Variants in G3BP1 observed in about 807,000 individuals in gnomAD.
G3BP1 encodes the protein ras GTPase-activating protein-binding protein 1.
G3BP1 carries 35 observed loss-of-function variants against 58.6 expected under a neutral mutation model. That is an observed-to-expected ratio of 0.60 (90% CI 0.46 to 0.79). The LOEUF (loss-of-function observed/expected upper bound fraction) is 0.79. Among genes scored for constraint, G3BP1 ranks in the 30% least tolerant of loss-of-function variants. The probability of loss-of-function intolerance (pLI) is 0.00; values close to 1 mark genes in which losing one functional copy is unlikely to be tolerated. For synonymous variants in G3BP1, 191 were observed against 195.4 expected, an observed-to-expected ratio of 0.98 and a Z score of 0.19; for missense variants, 523 against 580.8, an observed-to-expected ratio of 0.90 and a Z score of 1.02.
chr5:151,787,756 C>T (rs1169612947), intron 2 of G3BP1: 1 of 291,988 alleles, frequency 3.4e-6, no homozygotes, highest in South Asian at 2.8e-5. Context: ...TCCCTTACAC[C>T]TTGACCAGCT....
At chr5:151,787,913 GCA>G (rs1360580495) in intron 2 of G3BP1, 8 of 176,508 alleles carry the variant, frequency 4.5e-5, no homozygotes, top group Admixed American at 1.9e-4. Context: ...GTGTGTGTGT[GCA>G]TGTGTGTGTG....
chr5:151,808,952 G>T lies in G3BP1; in HGVS notation c.*4861G>T, dbSNP rs1762975175. On this transcript the variant is annotated 3_prime_UTR_variant, in exon 12 of 12. Coordinates refer to ENST00000356245, the MANE Select transcript of G3BP1 (RefSeq NM_005754.3). ...AGTGCTGTGGGAGGCTGAGGCCAGA[G>T]GATTGCTCGAGGCCAGGAATTTGAG... 1 of 152,340 alleles carries T rather than the reference G, an allele frequency of 6.6e-6. No homozygotes were observed. Among genetic ancestry groups the T allele is most frequent in the Non-Finnish European group, 1.5e-5 (1 of 68,152 alleles). The allele number at this position is 152,340 out of a possible 1,614,324, so 9.4% of individuals were successfully genotyped here. A position where few individuals can be genotyped will look rare whatever the true frequency, so the allele number is the denominator to read the frequency against.
chr5:151,797,387 G>A lies in G3BP1; in HGVS notation c.700G>A (p.Ala234Thr). ...GGATGCTCAGAAGAGTTCTTCTCCAGCACCTGCAGACATAGCTCAGACAGT... is the reference window on the plus strand; with the variant it reads ...GGATGCTCAGAAGAGTTCTTCTCCAACACCTGCAGACATAGCTCAGACAGT... ...PEDAQKSSSP[A>T]PADIAQTVQE... is the part of the protein sequence containing the mutation. Residue 234 changes from alanine (A) to threonine (T), a missense_variant, in exon 7 of 12, where the codon GCA (alanine) becomes ACA (threonine). This residue lies in a region of G3BP1 where 398 missense variants were observed against 399.1 expected (regional missense o/e 1.00). Coordinates refer to ENST00000356245, the MANE Select transcript of G3BP1 (RefSeq NM_005754.3). 1 of 1,613,346 alleles carries A rather than the reference G, an allele frequency of 6.2e-7. No individual in the cohort carries two copies. The highest frequency in any genetic ancestry group is 8.5e-7 in the Non-Finnish European group (1 of 1,179,302).
intron 1 of G3BP1, among the ~76,000 whole-genome samples, chr5:151,782,953 G>T (rs1276080726): frequency 6.7e-6 from 1 of 148,620 alleles, no homozygotes; most frequent in Non-Finnish European, 1.5e-5. Context: ...CGTCTGCTAG[G>T]TTCAAGCGAT....
intron 1 of G3BP1, among the ~76,000 whole-genome samples, chr5:151,777,846 C>A (rs1762399799): frequency 6.6e-6 from 1 of 152,186 alleles, no homozygotes; most frequent in South Asian, 2.1e-4. Flanking sequence ...CACCCTTCTC[C>A]CTGCAGGAAA....
intron 1 of G3BP1, among the ~76,000 whole-genome samples, chr5:151,772,879 G>A (rs1388603571): frequency 6.6e-6 from 1 of 152,244 alleles, no homozygotes; most frequent in African/African-American, 2.4e-5. Context: ...CGAGAAGGCT[G>A]CAGCGGCATT....
chr5:151,798,026 C>T lies in G3BP1; in HGVS notation c.741+598C>T, dbSNP rs1300741467. Among the ~76,000 whole-genome samples the T allele has an allele frequency of 2.0e-5, 3 of 152,256 alleles. No homozygotes were observed. In the East Asian group the frequency reaches 5.8e-4, roughly 29 times the overall value. ...TAATTTTTAGTGCTGTGTTTATAGG[C>T]TCAGGGTTATGTCATTTGTTTGTTC... On this transcript the variant is annotated intron_variant, in intron 7 of 11. Transcript: ENST00000356245.
chr5:151,797,836 A>G (rs1229093466), intron 7 of G3BP1, among the ~76,000 whole-genome samples: 3 of 152,254 alleles, frequency 2.0e-5, no homozygotes, highest in Non-Finnish European at 4.4e-5. Context: ...TTTATTGAAG[A>G]TAACTTTATA....
intron 4 of G3BP1, among the ~76,000 whole-genome samples, chr5:151,792,622 A>G (rs951619984): frequency 6.6e-6 from 1 of 151,948 alleles, no homozygotes; most frequent in African/African-American, 2.4e-5. Flanking sequence ...TTGTTTTTTG[A>G]GAGAAGAGTC....
intron 6 of G3BP1, 23 bp from the exon 7 acceptor site, chr5:151,797,204 T>G (rs764716356): frequency 6.2e-7 from 1 of 1,610,432 alleles, no homozygotes; most frequent in Non-Finnish European, 8.5e-7. Flanking sequence ...CAGAATGATA[T>G]TTCTCAAATT....
In G3BP1 at chr5:151,804,120, A is replaced by G. The variant is rs1425439798; in HGVS notation, c.*29A>G. ...TTCATGGATCTTCATGCAGCCATACAAACCCTGGTTCCAACAGAATGGTGA... is the reference window on the plus strand; with the variant it reads ...TTCATGGATCTTCATGCAGCCATACGAACCCTGGTTCCAACAGAATGGTGA... On this transcript the variant is annotated 3_prime_UTR_variant, in exon 12 of 12. Transcript: ENST00000356245. 1 of 1,491,008 alleles carries G rather than the reference A, an allele frequency of 6.7e-7. No individual in the cohort carries two copies. Among genetic ancestry groups the G allele is most frequent in the Non-Finnish European group, 9.2e-7 (1 of 1,088,994 alleles). 92.4% of individuals were successfully genotyped at this position (1,491,008 alleles called of 1,614,324 possible). A position where few individuals can be genotyped will look rare whatever the true frequency, so the allele number is the denominator to read the frequency against.
Position 151,799,893 on chromosome 5 carries a change from G to C in G3BP1, c.848G>C (p.Arg283Pro), listed in dbSNP as rs781078545. The C allele has an allele frequency of 4.4e-6, 7 of 1,599,752 alleles. No homozygotes were observed. In the South Asian group the frequency reaches 7.8e-5, roughly 18 times the overall value. The part of the protein sequence containing the change: ...HVVKVPASQP[R>P]PESKPESQIP... Reference sequence around the variant, plus strand: ...AGTTAACTTAAAATTTTTCAGCCCCGTCCAGAGTCTAAGCCTGAATCTCAG... The same window carrying C: ...AGTTAACTTAAAATTTTTCAGCCCCCTCCAGAGTCTAAGCCTGAATCTCAG... The change falls in exon 9 of 12, where the codon CGT becomes CCT. Residue 283 changes from arginine (R) to proline (P), a missense_variant. Physicochemically the swap from Arg to Pro is moderately radical, Grantham distance 103 (BLOSUM62 -2). Around this residue, in one of 2 missense-constraint regions of G3BP1, gnomAD observed 398 missense variants for 399.1 expected, o/e 1.00. Coordinates refer to ENST00000356245, the MANE Select transcript of G3BP1 (RefSeq NM_005754.3).
intron 1 of G3BP1, among the ~76,000 whole-genome samples, chr5:151,779,993 A>G (rs1323436836): frequency 6.6e-6 from 1 of 152,084 alleles, no homozygotes; most frequent in Admixed American, 6.5e-5. Context: ...TTTTCATCAG[A>G]GTGTTTTTGA....
chr5:151,772,186 C>T (rs1762276468), intron 1 of G3BP1, 150 bp downstream of exon 1: 1 of 149,964 alleles, frequency 6.7e-6, no homozygotes, highest in African/African-American at 2.4e-5. Flanking sequence ...CAGGCGCGCG[C>T]GGCGGACGGA....
chr5:151,780,994 T>C (rs1025696741), intron 1 of G3BP1, among the ~76,000 whole-genome samples: 2 of 152,172 alleles, frequency 1.3e-5, no homozygotes, highest in Admixed American at 6.5e-5. Flanking sequence ...TCAGGTCCAC[T>C]TGAGCAGATT....
At chr5:151,785,541 T>C (rs1762541973) in intron 1 of G3BP1, among the ~76,000 whole-genome samples, 1 of 152,206 alleles carries the variant, frequency 6.6e-6, no homozygotes, top group Admixed American at 6.5e-5. Flanking sequence ...TAATTTTATC[T>C]CTTCCCCCGT....
intron 1 of G3BP1, among the ~76,000 whole-genome samples, chr5:151,780,283 T>C (rs1762444016): frequency 6.6e-6 from 1 of 152,252 alleles, no homozygotes; most frequent in South Asian, 2.1e-4. Context: ...CTTGGGTTAC[T>C]CTTTTAGTGA....
In G3BP1 at chr5:151,799,220, T is replaced by C. The variant is rs149932455; in HGVS notation, c.750T>C (p.Ser250=). Residue 250 remains serine (S), a synonymous_variant, in exon 8 of 12, where the codon TCT becomes TCC. Transcript: ENST00000356245. ...QTVQEDLRTF[S]WASVTSKNLP... is the part of the protein sequence containing the mutation. ...TGGTATTGCTCCCTTAGACATTTTC[T>C]TGGGCATCTGTGACCAGTAAGAATC... 769 of 1,555,152 alleles carry C rather than the reference T, an allele frequency of 4.9e-4. 11 individuals are homozygous for C. The East Asian group carries it at 0.013, about 25-fold the overall frequency.
chr5:151,780,520 C>T (rs530429614), intron 1 of G3BP1, among the ~76,000 whole-genome samples: 8 of 152,146 alleles, frequency 5.3e-5, no homozygotes, highest in East Asian at 3.9e-4. Flanking sequence ...TTTCCCCCTC[C>T]GCCGCTAGCT....
Sources: allele counts gnomAD v4.1 joint callset (sites outside exome capture counted in the v4.1 genomes callset), GRCh38; gene constraint gnomAD v4.1.1; regional missense constraint gnomAD v4.1.1; transcripts MANE v1.5; gene names NCBI Gene and HGNC (gene_info 2026-07-23, HGNC 2026-07-21).